The following DNAH7 variants were observed in gnomAD, a reference collection of about 807,000 sequenced individuals.
DNAH7 encodes dynein axonemal heavy chain 7.
A neutral mutation model predicts 444.6 loss-of-function variants in DNAH7; 397 were observed. The ratio of observed to expected loss-of-function variants is 0.89; its 90% CI spans 0.82 to 0.97. The LOEUF is 0.97. DNAH7 is among the 50% of genes least tolerant of loss of function. The pLI is 0.00. For missense variants in DNAH7, 4,902 were observed against 4,800.8 expected (o/e 1.02, Z -0.62); for synonymous variants, 1,636 against 1,624.4 (o/e 1.01, Z -0.17).
intron 19 of DNAH7, among the ~76,000 whole-genome samples, chr2:195,937,710 A>C (rs1469517183): frequency 1.3e-5 from 2 of 152,132 alleles, no homozygotes; most frequent in African/African-American, 2.4e-5. Context: ...TCTTTAACAC[A>C]TGGTTGATGT....
chr2:195,966,799 A>AT (rs1396718154), intron 17 of DNAH7, among the ~76,000 whole-genome samples: 1 of 151,898 alleles, frequency 6.6e-6, no homozygotes, highest in African/African-American at 2.4e-5. Context: ...CATGGAATAT[A>AT]TTTTTTCAAC....
At chr2:195,743,697 T>C (rs1693192633) in intron 63 of DNAH7, among the ~76,000 whole-genome samples, 1 of 152,204 alleles carries the variant, frequency 6.6e-6, no homozygotes, top group Admixed American at 6.5e-5. Flanking sequence ...AATCATTCCA[T>C]GGATTCTCTA....
chr2:195,901,803 AATT>A (rs1686729058), intron 27 of DNAH7: 1 of 152,194 alleles, frequency 6.6e-6, no homozygotes. Flanking sequence ...AGTAATACAC[AATT>A]ATTATTAGAG....
intron 27 of DNAH7, chr2:195,901,790 ATAAG>A (rs1158677837): frequency 1.3e-5 from 2 of 152,214 alleles, no homozygotes; most frequent in Non-Finnish European, 2.9e-5. Context: ...AAAACCGGAA[ATAAG>A]TAATACACAA....
chr2:195,751,901 C>T (rs568444466), intron 63 of DNAH7, among the ~76,000 whole-genome samples: 1 of 152,104 alleles, frequency 6.6e-6, no homozygotes, highest in Non-Finnish European at 1.5e-5. Context: ...TCTGTGGCTT[C>T]TATACAAATT....
At position 195,876,206 on chromosome 2, in the gene DNAH7, G is replaced by A. The variant is rs117569787; in HGVS notation, c.6117+338C>T. On this transcript the variant is annotated intron_variant, in intron 37 of 64. Transcript: ENST00000312428. ...GGTGAGAAGGGTGTTCTTTGCAGAG[G>A]AACACAGGTAAATCTATTGAGAGCT... 9.1e-3 allele frequency among the ~76,000 whole-genome samples: 1,379 copies of A among 152,228 alleles called. 40 individuals carry two copies. Among genetic ancestry groups the A allele is most frequent in the East Asian group, 0.085 (437 of 5,170 alleles).
At chr2:195,796,811 TA>T in intron 55 of DNAH7, 74 bp from the exon 56 acceptor site, 4 of 1,463,606 alleles carry the variant, frequency 2.7e-6, no homozygotes, top group Non-Finnish European at 3.7e-6. Flanking sequence ...TTTTAAAAGT[TA>T]ACATTGACTA....
At position 195,875,699 on chromosome 2, in the gene DNAH7, T is replaced by A. The variant is rs371036276; in HGVS notation, c.6262A>T (p.Ile2088Phe). Residue 2088 changes from isoleucine to phenylalanine, a missense_variant, in exon 38 of 65, where the codon ATC becomes TTC. Transcript: ENST00000312428. ...CSMIKLVDIQ[I>F]MCAMGPPGGG... ...CCTGGAGGTCCCATAGCACACATGATCTGAATGTCCACTAGTTTAATCATG... is the reference window on the plus strand; with the variant it reads ...CCTGGAGGTCCCATAGCACACATGAACTGAATGTCCACTAGTTTAATCATG... 1.4e-5 allele frequency: 22 copies of A among 1,601,946 alleles called. No homozygotes were observed. In the African/African-American group the frequency reaches 3.0e-4, roughly 22 times the overall value.
Position 195,737,894 on chromosome 2 carries a change from T to C in DNAH7, c.*27A>G, listed in dbSNP as rs1238467040. ...CTCTACTCAGCCAGCCAACAAGAAA[T>C]AGGAACAAGGAAATGATGTCTTCTG... is the stretch of plus-strand genomic sequence containing the variant. On this transcript the variant is annotated 3_prime_UTR_variant, in exon 65 of 65. Coordinates refer to ENST00000312428, the MANE Select transcript of DNAH7 (RefSeq NM_018897.3). 12 of 1,605,324 alleles carry C rather than the reference T, an allele frequency of 7.5e-6. No homozygotes were observed. Among genetic ancestry groups the C allele is most frequent in the Non-Finnish European group, 9.4e-6 (11 of 1,172,888 alleles).
chr2:196,035,779 T>C (rs1450897358), intron 5 of DNAH7, among the ~76,000 whole-genome samples: 1 of 151,534 alleles, frequency 6.6e-6, no homozygotes, highest in African/African-American at 2.4e-5. Flanking sequence ...ATTGCCCAGC[T>C]GTTCACATTT....
intron 46 of DNAH7, among the ~76,000 whole-genome samples, chr2:195,846,318 C>G (rs926950840): frequency 2.0e-5 from 3 of 152,180 alleles, no homozygotes; most frequent in African/African-American, 4.8e-5. Context: ...GATACCATCT[C>G]GCACCAATCA....
chr2:195,938,333 C>A (rs1689189970), intron 19 of DNAH7, among the ~76,000 whole-genome samples: 1 of 145,850 alleles, frequency 6.9e-6, no homozygotes. Context: ...TTTTATGTTT[C>A]AAATAGACAT....
At chr2:195,968,135 T>TCCAGAAATA (rs1691604621) in intron 17 of DNAH7, among the ~76,000 whole-genome samples, 1 of 152,126 alleles carries the variant, frequency 6.6e-6, no homozygotes, top group African/African-American at 2.4e-5. Flanking sequence ...CCATGGCAGG[T>TCCAGAAATA]CCAGAAATAC....
chr2:195,841,793 T>C (rs774488762), intron 47 of DNAH7, among the ~76,000 whole-genome samples: 11 of 151,968 alleles, frequency 7.2e-5, no homozygotes, highest in Admixed American at 4.6e-4. Context: ...CAAATGGAAA[T>C]TGAATTTTTA....
chr2:195,957,082 C>G (rs1690717412), intron 19 of DNAH7, among the ~76,000 whole-genome samples, 179 bp downstream of exon 19: 1 of 152,108 alleles, frequency 6.6e-6, no homozygotes, highest in African/African-American at 2.4e-5. Flanking sequence ...GACAAAATAC[C>G]TACTTTTGCT....
intron 54 of DNAH7, among the ~76,000 whole-genome samples, chr2:195,803,157 C>T (rs868393088): frequency 2.0e-5 from 3 of 152,094 alleles, no homozygotes; most frequent in Non-Finnish European, 2.9e-5. Flanking sequence ...ACAAAAAAAC[C>T]CCACTTTTTC....
At chr2:195,802,405 C>A (rs1696506608) in intron 54 of DNAH7, among the ~76,000 whole-genome samples, 1 of 152,144 alleles carries the variant, frequency 6.6e-6, no homozygotes, top group Non-Finnish European at 1.5e-5. Flanking sequence ...GAAGCTGAGG[C>A]ACAAGAATCA....
chr2:195,878,457 G>C (rs1276104430), intron 36 of DNAH7, among the ~76,000 whole-genome samples: 1 of 151,994 alleles, frequency 6.6e-6, no homozygotes, highest in Non-Finnish European at 1.5e-5. Context: ...AAAAATTAGA[G>C]GGTGTGGTGG....
chr2:195,788,834 T>A (rs1480851368), intron 57 of DNAH7, among the ~76,000 whole-genome samples: 1 of 152,254 alleles, frequency 6.6e-6, no homozygotes, highest in Non-Finnish European at 1.5e-5. Flanking sequence ...GTAGTATTTA[T>A]GTGCACATGA....
Sources: gnomAD v4.1 joint callset for allele counts (sites outside exome capture counted in the v4.1 genomes callset) on GRCh38, gnomAD v4.1.1 for gene constraint, MANE v1.5 for transcripts, NCBI Gene and HGNC (gene_info 2026-07-23, HGNC 2026-07-21) for gene names.